GTPBP4: variants seen among roughly 807,000 people sequenced by gnomAD.
The protein encoded by GTPBP4 is GTP-binding protein 4.
Under a neutral mutation model 81.7 loss-of-function variants are expected in GTPBP4, and 15 were observed. The observed-to-expected ratio is 0.18, with a 90% CI of 0.12 to 0.28. The LOEUF is 0.28. Among genes scored for constraint, GTPBP4 ranks in the 10% least tolerant of loss-of-function variants. The probability of loss-of-function intolerance (pLI) is 1.00; values close to 1 mark genes in which losing one functional copy is unlikely to be tolerated. For synonymous variants in GTPBP4, 272 were observed against 274.6 expected, an observed-to-expected ratio of 0.99 and a Z score of 0.09; for missense variants, 847 against 793.8, an observed-to-expected ratio of 1.07 and a Z score of -0.81.
At chr10:1,008,841 C>T (rs943560428) in intron 10 of GTPBP4, 117 bp from the exon 11 acceptor site, 3 of 791,402 alleles carry the variant, frequency 3.8e-6, no homozygotes, top group Admixed American at 3.6e-5. Flanking sequence ...GTTCATTGGT[C>T]TGGGTATGGT....
intron 13 of GTPBP4, among the ~76,000 whole-genome samples, chr10:1,010,845 A>ACT (rs60839213): frequency 0.78 from 93,274 of 119,246 alleles, 36,489 homozygotes; most frequent in African/African-American, 0.85. Context: ...CTGTCCCGAC[A>ACT]CTGGTGGAGA....
In GTPBP4 at chr10:996,176, G is replaced by T; in HGVS notation, c.394G>T (p.Ala132Ser). ...CTACCGCTGCAAACAGCTGAAGCGT[G>T]CGGCCCTGGGACGGATGTGCACAGT... ...SLYRCKQLKR[A>S]ALGRMCTVIK... Residue 132 changes from alanine (A) to serine (S), a missense_variant, in exon 4 of 17, where the codon GCG becomes TCG. By Grantham distance (99) the Ala-to-Ser change is moderately conservative. Coordinates refer to ENST00000360803, the MANE Select transcript of GTPBP4 (RefSeq NM_012341.3). The T allele has an allele frequency of 6.2e-7, 1 of 1,613,990 alleles. No individual in the cohort carries two copies. Among genetic ancestry groups the T allele is most frequent in the South Asian group, 1.1e-5 (1 of 91,064 alleles).
chr10:1,006,755 A>G (rs1199730432), intron 9 of GTPBP4, among the ~76,000 whole-genome samples: 1 of 152,214 alleles, frequency 6.6e-6, no homozygotes. Flanking sequence ...CTGAGGGGCA[A>G]CATTGCCTCC....
At chr10:1,013,645 T>A (rs1355803539) in intron 14 of GTPBP4, among the ~76,000 whole-genome samples, 1 of 152,066 alleles carries the variant, frequency 6.6e-6, no homozygotes, top group Admixed American at 6.6e-5. Context: ...TCTGGACTCT[T>A]TAGCAATTTA....
At chr10:994,236 A>C (rs996859676) in intron 2 of GTPBP4, among the ~76,000 whole-genome samples, 2 of 145,146 alleles carry the variant, frequency 1.4e-5, no homozygotes, top group African/African-American at 5.2e-5. Context: ...GGGGTGAAGA[A>C]AGTGATTTAA....
At chr10:1,006,962 G>A in intron 9 of GTPBP4, 56 bp from the exon 10 acceptor site, 1 of 1,060,842 alleles carries the variant, frequency 9.4e-7, no homozygotes, top group Non-Finnish European at 1.5e-6. Flanking sequence ...GGAACCTGTA[G>A]CTGGAGGCTG....
At chr10:1,008,274 G>A (rs1414716551) in intron 10 of GTPBP4, 20 of 394,288 alleles carry the variant, frequency 5.1e-5, no homozygotes, top group South Asian at 1.3e-4. Context: ...TTAGTCGGGC[G>A]CGCACCTATA....
Position 1,019,455 on chromosome 10 carries a change from C to T in GTPBP4, c.*2228C>T. 1.5e-6 allele frequency: 2 copies of T among 1,377,958 alleles called. No homozygotes were observed. Among genetic ancestry groups the T allele is most frequent in the Non-Finnish European group, 2.0e-6 (2 of 1,006,118 alleles). 85.4% of individuals were successfully genotyped at this position (1,377,958 alleles called of 1,614,324 possible). A position where few individuals can be genotyped will look rare whatever the true frequency, so the allele number is the denominator to read the frequency against. On this transcript the variant is annotated 3_prime_UTR_variant, in exon 17 of 17. Coordinates refer to ENST00000360803, the MANE Select transcript of GTPBP4 (RefSeq NM_012341.3). Reference sequence around the variant, plus strand: ...TTTTTTGGAGAGGGTGTATCATTGCCTCAATGGTGCGTCTGCCTGCACTGA... The same window carrying T: ...TTTTTTGGAGAGGGTGTATCATTGCTTCAATGGTGCGTCTGCCTGCACTGA...
intron 12 of GTPBP4, 94 bp downstream of exon 12, chr10:1,009,674 G>C: frequency 2.5e-6 from 2 of 813,842 alleles, no homozygotes; most frequent in Admixed American, 3.8e-5. Flanking sequence ...TAATAAAAGT[G>C]TTTCAGCCTA....
rs1198196091 is a variant in GTPBP4, at chr10:993,039, AG to A, written c.219+383del. ...CTTTATCTCTTCCACCTTCTTTCCAAGGGTTTTTTTTTTCCTCTGGGCTCAG... is the reference window on the plus strand; with the variant it reads ...CTTTATCTCTTCCACCTTCTTTCCAAGGTTTTTTTTTTCCTCTGGGCTCAG... On this transcript the variant is annotated intron_variant, in intron 2 of 16. Transcript: ENST00000360803. Among the ~76,000 whole-genome samples, 8 of 151,860 alleles carry A rather than the reference AG, an allele frequency of 5.3e-5. No homozygotes were observed. In the South Asian group the frequency reaches 1.7e-3, roughly 32 times the overall value.
intron 1 of GTPBP4, among the ~76,000 whole-genome samples, chr10:991,916 C>G (rs1464070252): frequency 6.8e-6 from 1 of 146,984 alleles, no homozygotes; most frequent in Non-Finnish European, 1.5e-5. Context: ...AGGATGGTCT[C>G]GATCTCCTGA....
intron 1 of GTPBP4, among the ~76,000 whole-genome samples, chr10:989,795 C>T (rs759055275): frequency 1.3e-5 from 2 of 152,136 alleles, no homozygotes; most frequent in Non-Finnish European, 2.9e-5. Flanking sequence ...GGTTGGAGCG[C>T]AGTGGTGTGA....
chr10:1,014,272 A>C lies in GTPBP4; in HGVS notation c.1568A>C (p.Glu523Ala). 6.2e-7 allele frequency: 1 copy of C among 1,607,532 alleles called. No homozygotes were observed. Among genetic ancestry groups the C allele is most frequent in the South Asian group, 1.1e-5 (1 of 90,962 alleles). Residue 523 changes from glutamate (E) to alanine (A), a missense_variant, in exon 15 of 17, where the codon GAG (glutamate) becomes GCG (alanine). Physicochemically the swap from Glu to Ala is moderately radical, Grantham distance 107 (BLOSUM62 -1). This residue lies in a region of GTPBP4 where 600 missense variants were observed against 557.1 expected (regional missense o/e 1.08). Transcript: ENST00000360803. ...GTTCAGAGGACAGTTTTGGAGAAGG[A>C]GATGCGTAGTCTTGGTGTTGACATG... ...KKVQRTVLEK[E>A]MRSLGVDMDD...
At chr10:999,349 G>C (rs987314875) in intron 6 of GTPBP4, among the ~76,000 whole-genome samples, 1 of 152,128 alleles carries the variant, frequency 6.6e-6, no homozygotes, top group Non-Finnish European at 1.5e-5. Context: ...TTGAACTCCT[G>C]ACTTCAGGTG....
intron 1 of GTPBP4, among the ~76,000 whole-genome samples, chr10:991,848 A>G (rs1417757839): frequency 2.0e-5 from 3 of 148,884 alleles, no homozygotes; most frequent in African/African-American, 7.4e-5. Flanking sequence ...GGTGCCCGCT[A>G]CCACGCCCGG....
intron 8 of GTPBP4, among the ~76,000 whole-genome samples, chr10:1,003,803 C>T (rs1831680275): frequency 6.6e-6 from 1 of 152,090 alleles, no homozygotes; most frequent in African/African-American, 2.4e-5. Flanking sequence ...GGGGACTTAT[C>T]TGAGGGGATC....
intron 15 of GTPBP4, 146 bp downstream of exon 15, chr10:1,014,458 C>G (rs1001748808): frequency 1.4e-5 from 8 of 556,890 alleles, no homozygotes; most frequent in Non-Finnish European, 2.7e-5. Flanking sequence ...GGTTCGAGAC[C>G]AGCCTGGCCA....
intron 8 of GTPBP4, 65 bp from the exon 9 acceptor site, chr10:1,005,753 A>C: frequency 2.2e-6 from 2 of 908,146 alleles, no homozygotes; most frequent in South Asian, 2.6e-5. Context: ...GCAGAACTGT[A>C]CAGTTTGTTC....
rs10160004 is a variant in GTPBP4, at chr10:1,019,847, A to G, written c.*2620A>G. ...CCTCTGGAGAAATCTATTGACAGAAATTGGTGCAGTGTTAACAACGCTAAT... is the reference window on the plus strand; with the variant it reads ...CCTCTGGAGAAATCTATTGACAGAAGTTGGTGCAGTGTTAACAACGCTAAT... On this transcript the variant is annotated 3_prime_UTR_variant, in exon 17 of 17. Transcript: ENST00000360803. 16,447 of 1,593,568 alleles carry G rather than the reference A, an allele frequency of 0.01. 1,416 individuals carry two copies. The African/African-American group carries it at 0.19, about 19-fold the overall frequency.
Sources: allele counts gnomAD v4.1 joint callset (sites outside exome capture counted in the v4.1 genomes callset), GRCh38; gene constraint gnomAD v4.1.1; regional missense constraint gnomAD v4.1.1; transcripts MANE v1.5; gene names NCBI Gene and HGNC (gene_info 2026-07-23, HGNC 2026-07-21).